Variants in SLC26A8 observed in about 807,000 individuals in gnomAD.
SLC26A8 encodes testis anion transporter 1.
Under a neutral mutation model 105.0 loss-of-function variants are expected in SLC26A8, and 70 were observed. The ratio of observed to expected loss-of-function variants is 0.67; its 90% CI spans 0.55 to 0.81. The LOEUF (loss-of-function observed/expected upper bound fraction) is 0.81, where lower values mean the gene tolerates loss of function less well. SLC26A8 is among the 40% of genes least tolerant of loss of function. SLC26A8 has a pLI of 0.00. For synonymous variants in SLC26A8, 415 were observed against 438.3 expected, an observed-to-expected ratio of 0.95 and a Z score of 0.66; for missense variants, 998 against 1,181.8, an observed-to-expected ratio of 0.84 and a Z score of 2.28.
At chr6:35,944,385 C>T (rs1301119636) in intron 19 of SLC26A8, 45 bp from the exon 20 acceptor site, 7 of 1,419,242 alleles carry the variant, frequency 4.9e-6, no homozygotes, top group Non-Finnish European at 6.9e-6. Flanking sequence ...TAAATTTAAC[C>T]TTCTGCTGAA....
At chr6:35,951,091 A>AC in intron 19 of SLC26A8, 72 bp downstream of exon 19, 2 of 1,256,380 alleles carry the variant, frequency 1.6e-6, no homozygotes, top group East Asian at 2.5e-5. Flanking sequence ...CCAGCCCCCA[A>AC]CCACCCCTCA....
At chr6:35,998,290 T>G (rs937365158) in intron 4 of SLC26A8, among the ~76,000 whole-genome samples, 1 of 152,108 alleles carries the variant, frequency 6.6e-6, no homozygotes, top group African/African-American at 2.4e-5. Flanking sequence ...GCATGGTGGC[T>G]CACGCCTGTA....
intron 11 of SLC26A8, among the ~76,000 whole-genome samples, chr6:35,965,330 A>G (rs1399291177): frequency 6.6e-6 from 1 of 152,208 alleles, no homozygotes; most frequent in African/African-American, 2.4e-5. Flanking sequence ...GCACAAGCAT[A>G]TAAAAATCGT....
rs1362610146 is a variant in SLC26A8 at position 36,019,554 on chromosome 6, TG to T, written c.153del (p.Asn52ThrfsTer29). ...RKASSSGNMN[I>X]NITTFRHHVQ... ...ACGTGGTGTCTGAAGGTGGTGATGTTGATGTTCATGTTCCCAGAAGAGGAGG... is the reference window on the plus strand; with the variant it reads ...ACGTGGTGTCTGAAGGTGGTGATGTTATGTTCATGTTCCCAGAAGAGGAGG... On this transcript the variant is annotated frameshift_variant, in exon 2 of 20. Transcript: ENST00000490799. LOFTEE classifies it high-confidence loss of function. The T allele has an allele frequency of 1.9e-6, 3 of 1,614,034 alleles. No homozygotes were observed. The South Asian group carries it at 3.3e-5, about 18-fold the overall frequency.
intron 19 of SLC26A8, among the ~76,000 whole-genome samples, chr6:35,946,409 G>C (rs150157303): frequency 2.0e-5 from 3 of 151,982 alleles, no homozygotes; most frequent in African/African-American, 7.2e-5. Context: ...ACTAATTTTC[G>C]TATTTTTAGT....
chr6:36,015,704 C>G (rs1000429223), intron 2 of SLC26A8, among the ~76,000 whole-genome samples: 2 of 152,070 alleles, frequency 1.3e-5, no homozygotes, highest in African/African-American at 4.8e-5. Flanking sequence ...TGGCACATGT[C>G]CCCCGATCCA....
chr6:35,977,214 T>C lies in SLC26A8; in HGVS notation c.1163A>G (p.Asn388Ser), dbSNP rs1343406335. 41 of 1,613,698 alleles carry C rather than the reference T, an allele frequency of 2.5e-5. No homozygotes were observed. Among genetic ancestry groups the C allele is most frequent in the Non-Finnish European group, 3.5e-5 (41 of 1,179,922 alleles). ...TAGTAGTCCTCTCACCTGGTTGGAA[T>C]TGACACTGTAATTGTGAAGACTGGC... ...KIASLHNYSV[N>S]SNQDLIAIGL... The change falls in exon 9 of 20, where the codon AAT (asparagine) becomes AGT (serine). Residue 388 changes from asparagine to serine, a missense_variant. By Grantham distance (46) the Asn-to-Ser change is conservative. Coordinates refer to ENST00000490799, the MANE Select transcript of SLC26A8 (RefSeq NM_052961.4).
chr6:35,967,081 G>A (rs1161041645), intron 11 of SLC26A8, among the ~76,000 whole-genome samples: 2 of 152,156 alleles, frequency 1.3e-5, no homozygotes, highest in African/African-American at 4.8e-5. Context: ...CTGAATTCTG[G>A]AGATTACCTC....
chr6:35,990,344 G>T (rs76894068), intron 7 of SLC26A8: 3,873 of 285,830 alleles, frequency 0.014, 184 homozygotes, highest in African/African-American at 0.084. Context: ...TATTGAACAA[G>T]ATGTTCAAAT....
chr6:35,985,730 C>T (rs941020561), intron 7 of SLC26A8, among the ~76,000 whole-genome samples: 1 of 137,958 alleles, frequency 7.2e-6, no homozygotes, highest in Non-Finnish European at 1.5e-5. Context: ...AAGAGGGCTG[C>T]TGTCTGTTCA....
At chr6:35,989,308 T>C (rs2127345743) in intron 7 of SLC26A8, among the ~76,000 whole-genome samples, 1 of 152,356 alleles carries the variant, frequency 6.6e-6, no homozygotes, top group Admixed American at 6.5e-5. Context: ...CAGATTAGTT[T>C]TTCCTGCTCT....
intron 10 of SLC26A8, among the ~76,000 whole-genome samples, chr6:35,971,757 T>A (rs527278835): frequency 6.6e-5 from 10 of 152,334 alleles, no homozygotes; most frequent in African/African-American, 2.4e-4. Context: ...ACGGCCCCAT[T>A]GACTTCCTCT....
intron 2 of SLC26A8, among the ~76,000 whole-genome samples, chr6:36,013,502 C>T (rs1219208792): frequency 3.3e-5 from 5 of 152,090 alleles, no homozygotes; most frequent in African/African-American, 1.2e-4. Flanking sequence ...TTGATTCTTG[C>T]AATTGGCAAG....
chr6:35,984,279 A>G (rs2127336713), intron 7 of SLC26A8, among the ~76,000 whole-genome samples: 1 of 151,394 alleles, frequency 6.6e-6, no homozygotes, highest in East Asian at 1.9e-4. Flanking sequence ...GCATTCTCCA[A>G]AGGAATATAT....
Position 36,019,597 on chromosome 6 carries a change from C to T in SLC26A8, c.111G>A (p.Gln37=), listed in dbSNP as rs952155439. The T allele has an allele frequency of 1.9e-6, 3 of 1,614,110 alleles. No homozygotes were observed. Among genetic ancestry groups the T allele is most frequent in the Non-Finnish European group, 2.5e-6 (3 of 1,180,008 alleles). Residue 37 remains glutamine (Q), a synonymous_variant, in exon 2 of 20, where the codon CAG becomes CAA. Coordinates refer to ENST00000490799, the MANE Select transcript of SLC26A8 (RefSeq NM_052961.4). ...AAGAGGAGGCCTTCCTTTTGTGTTC[C>T]TGTTGAAAGGTCTCCTCATTGTATA... The part of the protein sequence containing the change: ...REVYNEETFQ[Q]EHKRKASSSG...
intron 5 of SLC26A8, among the ~76,000 whole-genome samples, chr6:35,994,720 T>G (rs1187093677): frequency 6.6e-6 from 1 of 151,944 alleles, no homozygotes; most frequent in African/African-American, 2.4e-5. Context: ...GGATTACAGG[T>G]GCCCAGCACC....
chr6:35,990,908 A>T (rs959213307), intron 7 of SLC26A8, among the ~76,000 whole-genome samples: 4 of 152,190 alleles, frequency 2.6e-5, no homozygotes, highest in African/African-American at 9.7e-5. Flanking sequence ...GGGAAAAAAA[A>T]ACCTTATCCT....
chr6:35,994,101 CT>C (rs371056195), intron 5 of SLC26A8, among the ~76,000 whole-genome samples: 37 of 139,842 alleles, frequency 2.6e-4, no homozygotes, highest in South Asian at 7.5e-4. Flanking sequence ...CTGTGTCTCC[CT>C]TTTTTTTTCT....
intron 10 of SLC26A8, among the ~76,000 whole-genome samples, chr6:35,974,641 G>C (rs1013730302): frequency 2.0e-5 from 3 of 152,202 alleles, no homozygotes; most frequent in Non-Finnish European, 4.4e-5. Flanking sequence ...AAGGTGTGTA[G>C]AGTTGTATTA....
Sources: allele counts gnomAD v4.1 joint callset (sites outside exome capture counted in the v4.1 genomes callset), GRCh38; gene constraint gnomAD v4.1.1; transcripts MANE v1.5; gene names NCBI Gene and HGNC (gene_info 2026-07-23, HGNC 2026-07-21).